Variants in BTF3L4 observed in about 807,000 individuals in gnomAD.
BTF3L4 encodes basic transcription factor 3 like 4, also known as transcription factor BTF3 homolog 4.
Under a neutral mutation model 16.8 loss-of-function variants are expected in BTF3L4, and 6 were observed. The ratio of observed to expected loss-of-function variants is 0.36; its 90% CI spans 0.20 to 0.71. The LOEUF (loss-of-function observed/expected upper bound fraction) is 0.71. Ranked by LOEUF, BTF3L4 falls within the 30% of genes least tolerant of loss-of-function variation. The pLI, the probability that BTF3L4 is intolerant of heterozygous loss-of-function variation, is 0.58. For synonymous variants in BTF3L4, 39 were observed against 59.8 expected (o/e 0.65, Z 1.60); for missense variants, 92 against 186.9 (o/e 0.49, Z 2.96).
Position 52,090,547 on chromosome 1 carries a change from C to T in BTF3L4, c.*3789C>T, listed in dbSNP as rs1644009486. ...CAGCTACCTAAATTTCCTATCTGAGCATGTCCTTACATTTACTTCCAGCAT... is the reference window on the plus strand; with the variant it reads ...CAGCTACCTAAATTTCCTATCTGAGTATGTCCTTACATTTACTTCCAGCAT... On this transcript the variant is annotated 3_prime_UTR_variant, in exon 6 of 6. Coordinates refer to ENST00000313334, the MANE Select transcript of BTF3L4 (RefSeq NM_152265.5). 6.6e-6 allele frequency: 1 copy of T among 152,194 alleles called. No homozygotes were observed. Among genetic ancestry groups the T allele is most frequent in the Non-Finnish European group, 1.5e-5 (1 of 68,032 alleles). 9.4% of individuals were successfully genotyped at this position (152,194 alleles called of 1,614,324 possible). A position where few individuals can be genotyped will look rare whatever the true frequency, so the allele number is the denominator to read the frequency against.
intron 3 of BTF3L4, among the ~76,000 whole-genome samples, chr1:52,068,176 C>T (rs1196018257): frequency 1.3e-5 from 2 of 152,034 alleles, no homozygotes; most frequent in Non-Finnish European, 2.9e-5. Flanking sequence ...AAATAAGGAA[C>T]CAGTTAGTAA....
rs1644009674 is a variant in BTF3L4 at position 52,090,566 on chromosome 1, C to T, written c.*3808C>T. Reference sequence around the variant, plus strand: ...TCTGAGCATGTCCTTACATTTACTTCCAGCATACTATTCATTTGCCATAGT... The same window carrying T: ...TCTGAGCATGTCCTTACATTTACTTTCAGCATACTATTCATTTGCCATAGT... On this transcript the variant is annotated 3_prime_UTR_variant, in exon 6 of 6. Coordinates refer to ENST00000313334, the MANE Select transcript of BTF3L4 (RefSeq NM_152265.5). The T allele has an allele frequency of 6.6e-6, 1 of 152,148 alleles. No individual in the cohort carries two copies. The highest frequency in any genetic ancestry group is 2.4e-5 in the African/African-American group (1 of 41,432). 9.4% of individuals were successfully genotyped at this position (152,148 alleles called of 1,614,324 possible). A position where few individuals can be genotyped will look rare whatever the true frequency, so the allele number is the denominator to read the frequency against.
intron 1 of BTF3L4, among the ~76,000 whole-genome samples, chr1:52,056,990 C>G (rs932376899): frequency 6.6e-6 from 1 of 152,172 alleles, no homozygotes; most frequent in Non-Finnish European, 1.5e-5. Flanking sequence ...TAGTTGTCCC[C>G]TCGGGAGTGG....
At chr1:52,063,243 C>T (rs926029715) in intron 2 of BTF3L4, among the ~76,000 whole-genome samples, 1 of 152,080 alleles carries the variant, frequency 6.6e-6, no homozygotes, top group Non-Finnish European at 1.5e-5. Flanking sequence ...GGTGGTACCA[C>T]CAGCTACAAA....
intron 3 of BTF3L4, among the ~76,000 whole-genome samples, chr1:52,080,519 G>GTTTTTTTT (rs753783341): frequency 2.8e-5 from 2 of 70,242 alleles, no homozygotes; most frequent in African/African-American, 1.3e-4. Flanking sequence ...GGTTTTTTGG[G>GTTTTTTTT]TTTTTTTTTT....
chr1:52,080,160 C>CTCATGAG (rs1198510394), intron 3 of BTF3L4, among the ~76,000 whole-genome samples: 5 of 151,970 alleles, frequency 3.3e-5, no homozygotes, highest in Non-Finnish European at 7.4e-5. Context: ...GCATGAGCAC[C>CTCATGAG]CAGCTGAATT....
chr1:52,057,410 C>T (rs1686399029), intron 1 of BTF3L4, among the ~76,000 whole-genome samples: 1 of 152,204 alleles, frequency 6.6e-6, no homozygotes, highest in East Asian at 1.9e-4. Flanking sequence ...AATCATGTGG[C>T]TTTAGGAAGT....
chr1:52,059,109 T>C (rs1036558239), intron 1 of BTF3L4, among the ~76,000 whole-genome samples: 2 of 151,512 alleles, frequency 1.3e-5, no homozygotes, highest in East Asian at 1.9e-4. Context: ...AGCAAAGATA[T>C]GTTTTTGTTA....
At chr1:52,066,777 G>A (rs1686662013) in intron 3 of BTF3L4, among the ~76,000 whole-genome samples, 1 of 151,158 alleles carries the variant, frequency 6.6e-6, no homozygotes, top group Non-Finnish European at 1.5e-5. Flanking sequence ...ACCCAGGATG[G>A]GGAGCTTGCA....
chr1:52,081,269 G>A (rs1340472239), intron 3 of BTF3L4, among the ~76,000 whole-genome samples: 3 of 151,600 alleles, frequency 2.0e-5, no homozygotes, highest in Non-Finnish European at 4.4e-5. Context: ...CGAGTAGCTG[G>A]GATTACAGGC....
At chr1:52,083,264 C>T (rs917836581) in intron 3 of BTF3L4, 76 bp from the exon 4 acceptor site, 6 of 1,261,046 alleles carry the variant, frequency 4.8e-6, no homozygotes, top group Non-Finnish European at 5.7e-6. Context: ...CCATAATTGG[C>T]TGAATTGCTT....
chr1:52,063,580 C>A (rs962769578), intron 2 of BTF3L4, among the ~76,000 whole-genome samples: 2 of 152,176 alleles, frequency 1.3e-5, no homozygotes, highest in African/African-American at 2.4e-5. Flanking sequence ...CTTACTCCTA[C>A]CAGTTTTAGA....
rs751173038 is a variant in BTF3L4, at chr1:52,064,835, G to A, written c.65G>A (p.Arg22His). Residue 22 changes from arginine to histidine, a missense_variant, in exon 3 of 6, where the codon CGC becomes CAC. Transcript: ENST00000313334. The stretch of plus-strand genomic sequence containing the variant: ...TTGGTTATTTTTCAGGGTACAGCTC[G>A]CAGAAAGAAGAAGGTGGTACATAGA... Reference protein sequence around the residue: ...QVRIGGKGTARRKKKVVHRTA... With the variant: ...QVRIGGKGTAHRKKKVVHRTA... 4.4e-6 allele frequency: 7 copies of A among 1,608,126 alleles called. No homozygotes were observed. The highest frequency in any genetic ancestry group is 1.7e-5 in the Admixed American group (1 of 58,992).
chr1:52,063,469 G>A (rs979253646), intron 2 of BTF3L4, among the ~76,000 whole-genome samples: 7 of 151,766 alleles, frequency 4.6e-5, no homozygotes, highest in Non-Finnish European at 8.8e-5. Context: ...CACTCCCACC[G>A]GAATTGCTGA....
intron 3 of BTF3L4, among the ~76,000 whole-genome samples, chr1:52,070,621 A>G (rs1204965845): frequency 7.2e-6 from 1 of 139,136 alleles, no homozygotes; most frequent in Non-Finnish European, 1.5e-5. Context: ...CAAAGGTCAA[A>G]TAAATAACCA....
At chr1:52,078,599 A>G (rs1240963882) in intron 3 of BTF3L4, among the ~76,000 whole-genome samples, 1 of 152,202 alleles carries the variant, frequency 6.6e-6, no homozygotes, top group Non-Finnish European at 1.5e-5. Context: ...AGAAAGAAGC[A>G]TCTTACCTCA....
chr1:52,064,916 A>G lies in BTF3L4; in HGVS notation c.146A>G (p.Asn49Ser), dbSNP rs1350585000. Reference protein sequence around the residue: ...LQSSLKKLAVNNIAGIEEVNM... With the variant: ...LQSSLKKLAVSNIAGIEEVNM... ...AGTTCTCTAAAAAAACTGGCTGTGA[A>G]TAATATAGCTGGTATTGAAGAGGTA... Residue 49 changes from asparagine (N) to serine (S), a missense_variant, in exon 3 of 6, where the codon AAT becomes AGT. By Grantham distance (46) the Asn-to-Ser change is conservative (BLOSUM62 1). Coordinates refer to ENST00000313334, the MANE Select transcript of BTF3L4 (RefSeq NM_152265.5). 11 of 1,612,082 alleles carry G rather than the reference A, an allele frequency of 6.8e-6. No individual in the cohort carries two copies. Among genetic ancestry groups the G allele is most frequent in the Non-Finnish European group, 9.3e-6 (11 of 1,178,644 alleles).
intron 3 of BTF3L4, among the ~76,000 whole-genome samples, chr1:52,074,615 G>A (rs1168270071): frequency 6.6e-6 from 1 of 151,850 alleles, no homozygotes; most frequent in African/African-American, 2.4e-5. Flanking sequence ...ACCTGCCTCG[G>A]CCTCCCAAAG....
intron 1 of BTF3L4, among the ~76,000 whole-genome samples, chr1:52,059,081 C>T (rs576527235): frequency 1.2e-4 from 18 of 151,864 alleles, no homozygotes; most frequent in Non-Finnish European, 2.5e-4. Flanking sequence ...TCTGCCCCCC[C>T]CCAACATTTA....
Sources: gnomAD v4.1 joint callset for allele counts (sites outside exome capture counted in the v4.1 genomes callset) on GRCh38, gnomAD v4.1.1 for gene constraint, MANE v1.5 for transcripts, NCBI Gene and HGNC (gene_info 2026-07-23, HGNC 2026-07-21) for gene names.